Variants in SMG1 observed in about 807,000 individuals in gnomAD.
The protein encoded by SMG1 is serine/threonine-protein kinase SMG1.
A neutral mutation model predicts 419.9 loss-of-function variants in SMG1; 22 were observed. That is an observed-to-expected ratio of 0.05 (90% CI 0.04 to 0.07). SMG1 has a LOEUF of 0.07. SMG1 is among the 10% of genes least tolerant of loss of function. The probability of loss-of-function intolerance (pLI) is 1.00; values close to 1 mark genes in which losing one functional copy is unlikely to be tolerated. For missense variants in SMG1, 3,185 were observed against 4,342.0 expected, an observed-to-expected ratio of 0.73 and a Z score of 7.49; for synonymous variants, 1,538 against 1,553.5, an observed-to-expected ratio of 0.99 and a Z score of 0.23.
chr16:18,899,111 T>C (rs1157073041), intron 1 of SMG1, among the ~76,000 whole-genome samples: 1 of 152,182 alleles, frequency 6.6e-6, no homozygotes, highest in African/African-American at 2.4e-5. Context: ...TAAAAGACAA[T>C]GTACAAACAG....
intron 25 of SMG1, 106 bp downstream of exon 25, chr16:18,863,544 A>C (rs143452380): frequency 1.2e-3 from 1,262 of 1,018,542 alleles, no homozygotes; most frequent in Non-Finnish European, 1.6e-3. Flanking sequence ...TAGATATATA[A>C]CCATTTTGTA....
chr16:18,908,937 T>C (rs1387262797), intron 1 of SMG1, among the ~76,000 whole-genome samples: 1 of 151,604 alleles, frequency 6.6e-6, no homozygotes, highest in Non-Finnish European at 1.5e-5. Flanking sequence ...AAATAGATAA[T>C]AACTGTAGTT....
At position 18,834,390 on chromosome 16, in the gene SMG1, C is replaced by G; in HGVS notation, c.8379G>C (p.Leu2793=). The G allele has an allele frequency of 1.2e-6, 2 of 1,613,920 alleles. No individual in the cohort carries two copies. The highest frequency in any genetic ancestry group is 2.7e-5 in the African/African-American group (2 of 75,036). Residue 2793 remains leucine (L), a synonymous_variant, in exon 50 of 63, where the codon CTG becomes CTC. Coordinates refer to ENST00000446231, the MANE Select transcript of SMG1 (RefSeq NM_015092.5). Reference sequence around the variant, plus strand: ...CTCCATCCCGAGAAGTCAGATCAACCAGCTGTTCTCCAGCACTTGACGCTG... The same window carrying G: ...CTCCATCCCGAGAAGTCAGATCAACGAGCTGTTCTCCAGCACTTGACGCTG... ...EGAASSAGEQ[L]VDLTSRDGAW...
At chr16:18,850,567 A>C (rs1403981132) in intron 33 of SMG1, 100 bp from the exon 34 acceptor site, 1 of 742,594 alleles carries the variant, frequency 1.3e-6, no homozygotes, top group Non-Finnish European at 2.2e-6. Context: ...TCATATATAA[A>C]AGATAAAATT....
intron 42 of SMG1, 27 bp downstream of exon 42, chr16:18,839,671 G>A (rs200251204): frequency 1.2e-5 from 20 of 1,613,036 alleles, no homozygotes; most frequent in Non-Finnish European, 1.4e-5. Context: ...TACTACTACT[G>A]AGTATAGTCT....
intron 10 of SMG1, 52 bp downstream of exon 10, chr16:18,882,113 T>G (rs779345666): frequency 2.3e-6 from 3 of 1,327,992 alleles, no homozygotes; most frequent in Middle Eastern, 2.7e-4. Context: ...GCATTTACAG[T>G]GTAAAACAAT....
In SMG1 at chr16:18,828,042, C is replaced by A. The variant is rs527865468; in HGVS notation, c.9730G>T (p.Ala3244Ser). The A allele has an allele frequency of 1.2e-6, 2 of 1,611,938 alleles. No individual in the cohort carries two copies. The highest frequency in any genetic ancestry group is 2.7e-5 in the African/African-American group (2 of 74,824). The stretch of plus-strand genomic sequence containing the variant: ...CTGGCAAAACACACCTGAACTGTTG[C>A]AATAGAAGTTTCAATCTGGCTCAGG... ...HTLSQIETSI[A>S]TVQEKLAALE... is the part of the protein sequence containing the mutation. Residue 3244 changes from alanine (A) to serine (S), a missense_variant, in exon 55 of 63, where the codon GCA becomes TCA. Ala to Ser is a moderately conservative substitution (Grantham distance 99). Around this residue, in one of 27 missense-constraint regions of SMG1, gnomAD observed 737 missense variants for 846.6 expected, o/e 0.87. Transcript: ENST00000446231.
chr16:18,814,362 G>A (rs964267276), intron 60 of SMG1, among the ~76,000 whole-genome samples: 4 of 150,976 alleles, frequency 2.6e-5, no homozygotes, highest in Admixed American at 2.0e-4. Flanking sequence ...AGCCAGGCAT[G>A]GTGGCGAGCA....
chr16:18,839,839 C>A lies in SMG1; in HGVS notation c.6804G>T (p.Leu2268=). The A allele has an allele frequency of 1.2e-6, 2 of 1,613,928 alleles. No homozygotes were observed. Among genetic ancestry groups the A allele is most frequent in the Non-Finnish European group, 1.7e-6 (2 of 1,179,854 alleles). ...GPALKTVGLS[L]DVSRRDWPLH... ...GAGGCCAATCCCGACGGGACACATC[C>A]AGGCTAAGCCCAACTGTTTTCAAAG... The change falls in exon 42 of 63, where the codon CTG becomes CTT. Residue 2268 remains leucine (L), a synonymous_variant. Coordinates refer to ENST00000446231, the MANE Select transcript of SMG1 (RefSeq NM_015092.5).
intron 1 of SMG1, among the ~76,000 whole-genome samples, chr16:18,900,374 G>A (rs929913238): frequency 7.2e-5 from 11 of 152,220 alleles, no homozygotes; most frequent in South Asian, 6.2e-4. Context: ...GAGGCCATTC[G>A]TTTCAAATGA....
chr16:18,881,971 G>A (rs1380172134), intron 10 of SMG1, among the ~76,000 whole-genome samples, 194 bp downstream of exon 10: 1 of 151,984 alleles, frequency 6.6e-6, no homozygotes, highest in Admixed American at 6.6e-5. Context: ...GATGAAAGGA[G>A]GATGAGATGT....
chr16:18,880,723 G>C (rs1238092101), intron 10 of SMG1, among the ~76,000 whole-genome samples: 1 of 140,428 alleles, frequency 7.1e-6, no homozygotes, highest in African/African-American at 2.7e-5. Context: ...AAAAAAAAAG[G>C]GGGGGGGCGC....
Position 18,837,464 on chromosome 16 carries a change from T to C in SMG1, c.7414-21A>G, listed in dbSNP as rs181576781. ...TTCACCTGTAAAAAGATATTACGAT[T>C]AAGAAGACTCTTACAGGGCCAATTT... is the stretch of plus-strand genomic sequence containing the variant. On this transcript the variant is annotated intron_variant, in intron 45 of 62. Coordinates refer to ENST00000446231, the MANE Select transcript of SMG1 (RefSeq NM_015092.5). 21 of 1,600,508 alleles carry C rather than the reference T, an allele frequency of 1.3e-5. No individual in the cohort carries two copies. In the African/African-American group the frequency reaches 2.8e-4, roughly 21 times the overall value.
In SMG1 at chr16:18,859,298, G is replaced by GAGCA. The variant is rs1404560902; in HGVS notation, c.3954-121_3954-118dup. On this transcript the variant is annotated intron_variant, in intron 27 of 62. Coordinates refer to ENST00000446231, the MANE Select transcript of SMG1 (RefSeq NM_015092.5). ...ATCCAAAGTTAGGGGGCAGTAAGAGGAGCAGCCTGCTCTATAATAAAATGA... is the reference window on the plus strand; with the variant it reads ...ATCCAAAGTTAGGGGGCAGTAAGAGGAGCAAGCAGCCTGCTCTATAATAAAATGA... The GAGCA allele has an allele frequency of 1.4e-5, 10 of 704,042 alleles. No homozygotes were observed. In the Admixed American group the frequency reaches 2.7e-4, roughly 19 times the overall value. 43.6% of individuals were successfully genotyped at this position (704,042 alleles called of 1,614,324 possible). A position where few individuals can be genotyped will look rare whatever the true frequency, so the allele number is the denominator to read the frequency against.
chr16:18,834,714 C>G (rs1022740096), intron 49 of SMG1, among the ~76,000 whole-genome samples, 178 bp downstream of exon 49: 2 of 152,112 alleles, frequency 1.3e-5, no homozygotes, highest in African/African-American at 4.8e-5. Context: ...CCACTGCACT[C>G]CAGCCTCAGT....
At chr16:18,871,965 G>A (rs1220472407) in intron 15 of SMG1, among the ~76,000 whole-genome samples, 1 of 151,876 alleles carries the variant, frequency 6.6e-6, no homozygotes, top group Non-Finnish European at 1.5e-5. Flanking sequence ...GGGGGTGGGG[G>A]AGTGAGGTTT....
At chr16:18,893,675 T>G (rs1353903510) in intron 3 of SMG1, among the ~76,000 whole-genome samples, 1 of 152,092 alleles carries the variant, frequency 6.6e-6, no homozygotes, top group Middle Eastern at 3.4e-3. Context: ...CTGTGCTATT[T>G]ACCATAATTA....
rs1338909646 is a variant in SMG1 at position 18,866,556 on chromosome 16, G to C, written c.3350+65C>G. 7.7e-6 allele frequency: 11 copies of C among 1,435,554 alleles called. No individual in the cohort carries two copies. In the Admixed American group the frequency reaches 1.3e-4, roughly 17 times the overall value. The allele number at this position is 1,435,554 out of a possible 1,614,324, so 88.9% of individuals were successfully genotyped here. A position where few individuals can be genotyped will look rare whatever the true frequency, so the allele number is the denominator to read the frequency against. ...GTTTTAAGATTTGGCTACAATGTCA[G>C]TGAGTAATACACAGAACTTAAACAT... On this transcript the variant is annotated intron_variant, in intron 23 of 62. Coordinates refer to ENST00000446231, the MANE Select transcript of SMG1 (RefSeq NM_015092.5).
At chr16:18,922,648 T>C (rs1167218085) in intron 1 of SMG1, among the ~76,000 whole-genome samples, 12 of 152,114 alleles carry the variant, frequency 7.9e-5, no homozygotes, top group Non-Finnish European at 1.6e-4. Context: ...TATTTATTTA[T>C]TTATTTTAGT....
Sources: allele counts gnomAD v4.1 joint callset (sites outside exome capture counted in the v4.1 genomes callset), GRCh38; gene constraint gnomAD v4.1.1; regional missense constraint gnomAD v4.1.1; transcripts MANE v1.5; gene names NCBI Gene and HGNC (gene_info 2026-07-23, HGNC 2026-07-21).